TRIT1: variants seen among roughly 807,000 people sequenced by gnomAD.
The protein encoded by TRIT1 is tRNA dimethylallyltransferase.
A neutral mutation model predicts 51.2 loss-of-function variants in TRIT1; 43 were observed. The observed-to-expected ratio is 0.84, with a 90% CI of 0.66 to 1.08. TRIT1 has a LOEUF of 1.08. Ranked by LOEUF, TRIT1 falls within the 50% of genes least tolerant of loss-of-function variation. The pLI is 0.00. For missense variants in TRIT1, 528 were observed against 578.4 expected, an observed-to-expected ratio of 0.91 and a Z score of 0.89; for synonymous variants, 184 against 203.9, an observed-to-expected ratio of 0.90 and a Z score of 0.83.
At position 39,838,880 on chromosome 1, in the gene TRIT1, A is replaced by T. The variant is rs1459870592; in HGVS notation, c.*2864T>A. ...CTCTTTGGAACTAAAGAGAGCTAAGAGAGGACAAAAAATTACTGAGAGTTA... is the reference window on the plus strand; with the variant it reads ...CTCTTTGGAACTAAAGAGAGCTAAGTGAGGACAAAAAATTACTGAGAGTTA... On this transcript the variant is annotated 3_prime_UTR_variant, in exon 11 of 11. Transcript: ENST00000316891. 2.1e-5 allele frequency among the ~76,000 whole-genome samples: 3 copies of T among 146,012 alleles called. No homozygotes were observed. Among genetic ancestry groups the T allele is most frequent in the Non-Finnish European group, 4.6e-5 (3 of 64,698 alleles).
chr1:39,841,290 A>G lies in TRIT1; in HGVS notation c.*454T>C, dbSNP rs1641882729. ...TGGCCCTTTCCTGCCATTCACTCAA[A>G]TCTAGAACTCCCAATATGTGGCTCA... On this transcript the variant is annotated 3_prime_UTR_variant, in exon 11 of 11. Coordinates refer to ENST00000316891, the MANE Select transcript of TRIT1 (RefSeq NM_017646.6). 1 of 152,512 alleles carries G rather than the reference A, an allele frequency of 6.6e-6. No individual in the cohort carries two copies. The highest frequency in any genetic ancestry group is 6.5e-5 in the Admixed American group (1 of 15,274). The allele number at this position is 152,512 out of a possible 1,614,324, so 9.4% of individuals were successfully genotyped here.
At chr1:39,844,492 G>A in intron 9 of TRIT1, 39 bp downstream of exon 9, 5 of 1,547,222 alleles carry the variant, frequency 3.2e-6, no homozygotes, top group Non-Finnish European at 4.5e-6. Flanking sequence ...AAAGTGCTCT[G>A]AAAACCAGAA....
At chr1:39,852,044 A>G (rs1307695353) in intron 4 of TRIT1, among the ~76,000 whole-genome samples, 1 of 152,186 alleles carries the variant, frequency 6.6e-6, no homozygotes, top group Non-Finnish European at 1.5e-5. Flanking sequence ...AGGAGGAAAA[A>G]TATCAAATTC....
rs931795492 is a variant in TRIT1, at chr1:39,850,238, G to C, written c.584C>G (p.Thr195Arg). The change falls in exon 5 of 11, where the codon ACA (threonine) becomes AGA (arginine). Residue 195 changes from threonine (T) to arginine (R), a missense_variant. Coordinates refer to ENST00000316891, the MANE Select transcript of TRIT1 (RefSeq NM_017646.6). ...VARSLQVFEE[T>R]GISHSEFLHR... Reference sequence around the variant, plus strand: ...GAGAAATTCACTATGAGAGATTCCTGTTTCTTCAAAAACTTGCAAGCTCCT... The same window carrying C: ...GAGAAATTCACTATGAGAGATTCCTCTTTCTTCAAAAACTTGCAAGCTCCT... 1.2e-6 allele frequency: 2 copies of C among 1,614,128 alleles called. No individual in the cohort carries two copies. Among genetic ancestry groups the C allele is most frequent in the Non-Finnish European group, 1.7e-6 (2 of 1,180,020 alleles).
intron 1 of TRIT1, among the ~76,000 whole-genome samples, chr1:39,879,689 C>A (rs1032926100): frequency 1.9e-4 from 28 of 151,330 alleles, no homozygotes; most frequent in Non-Finnish European, 3.2e-4. Context: ...GCCTGGCCAA[C>A]ATGGTGAAAC....
chr1:39,863,691 C>G, intron 1 of TRIT1, among the ~76,000 whole-genome samples: 1 of 147,366 alleles, frequency 6.8e-6, no homozygotes, highest in Admixed American at 6.8e-5. Flanking sequence ...CTGAACTCTC[C>G]AAATCAACAG....
chr1:39,867,847 G>A (rs1175232513), intron 1 of TRIT1, among the ~76,000 whole-genome samples: 5 of 152,090 alleles, frequency 3.3e-5, no homozygotes, highest in Non-Finnish European at 7.3e-5. Flanking sequence ...TTTGACTCTG[G>A]TATATTTGTT....
intron 1 of TRIT1, 121 bp from the exon 2 acceptor site, chr1:39,857,538 A>G (rs1642972028): frequency 2.8e-6 from 3 of 1,083,512 alleles, no homozygotes; most frequent in Non-Finnish European, 3.9e-6. Context: ...CCAAAGCACC[A>G]GGGTAGATGT....
chr1:39,860,649 G>T (rs1442967395), intron 1 of TRIT1, among the ~76,000 whole-genome samples: 1 of 152,186 alleles, frequency 6.6e-6, no homozygotes, highest in Non-Finnish European at 1.5e-5. Flanking sequence ...AATAGGGAAA[G>T]GAGAGACAAA....
chr1:39,852,005 C>A (rs1244768028), intron 4 of TRIT1, among the ~76,000 whole-genome samples: 2 of 148,402 alleles, frequency 1.3e-5, no homozygotes, highest in African/African-American at 2.5e-5. Context: ...TATATTCTAA[C>A]ATTAAGTTTC....
chr1:39,854,009 GTAA>G lies in TRIT1; in HGVS notation c.372_374del (p.Tyr125del). The G allele has an allele frequency of 6.2e-7, 1 of 1,613,516 alleles. No homozygotes were observed. Among genetic ancestry groups the G allele is most frequent in the South Asian group, 1.1e-5 (1 of 90,944 alleles). ...GAACTTTCCAGAGCAGAGATTCAAT[GTAA>G]TAATTGGTTCCTCCCACAACAATAG... is the stretch of plus-strand genomic sequence containing the variant. On this transcript the variant is annotated inframe_deletion, in exon 3 of 11. Transcript: ENST00000316891.
At chr1:39,882,640 A>G (rs1644300136) in intron 1 of TRIT1, among the ~76,000 whole-genome samples, 1 of 152,238 alleles carries the variant, frequency 6.6e-6, no homozygotes, top group African/African-American at 2.4e-5. Flanking sequence ...AGCATTTACC[A>G]CAAGTCTGGC....
intron 1 of TRIT1, among the ~76,000 whole-genome samples, chr1:39,874,585 C>A (rs1346188617): frequency 6.6e-6 from 1 of 152,026 alleles, no homozygotes; most frequent in East Asian, 1.9e-4. Flanking sequence ...AATCATTACT[C>A]CAGGATGCTA....
At chr1:39,852,692 T>A in intron 4 of TRIT1, 39 bp downstream of exon 4, 1 of 1,602,262 alleles carries the variant, frequency 6.2e-7, no homozygotes, top group South Asian at 1.1e-5. Context: ...GCTCTCTAGT[T>A]GTAAAGGAAT....
chr1:39,866,495 G>A (rs755601763), intron 1 of TRIT1, among the ~76,000 whole-genome samples: 1 of 152,186 alleles, frequency 6.6e-6, no homozygotes, highest in Non-Finnish European at 1.5e-5. Flanking sequence ...AAGAGTACGG[G>A]AAAGGCTGAT....
chr1:39,840,491 A>G lies in TRIT1; in HGVS notation c.*1253T>C, dbSNP rs956977705. Among the ~76,000 whole-genome samples the G allele has an allele frequency of 6.6e-6, 1 of 152,094 alleles. No individual in the cohort carries two copies. The highest frequency in any genetic ancestry group is 1.5e-5 in the Non-Finnish European group (1 of 68,026). Reference sequence around the variant, plus strand: ...TTCTACACAGCTCTTACGGCCTTTGATACTGTCTTGCCTGGATTGGTGTTT... The same window carrying G: ...TTCTACACAGCTCTTACGGCCTTTGGTACTGTCTTGCCTGGATTGGTGTTT... On this transcript the variant is annotated 3_prime_UTR_variant, in exon 11 of 11. Coordinates refer to ENST00000316891, the MANE Select transcript of TRIT1 (RefSeq NM_017646.6).
In TRIT1 at chr1:39,848,038, C is replaced by A; in HGVS notation, c.763G>T (p.Glu255Ter). The A allele has an allele frequency of 6.2e-7, 1 of 1,614,088 alleles. No homozygotes were observed. The highest frequency in any genetic ancestry group is 8.5e-7 in the Non-Finnish European group (1 of 1,180,018). Residue 255 changes from glutamate (E) to a stop codon, truncating the protein, a stop_gained, in exon 6 of 11, where the codon GAA becomes TAA. Coordinates refer to ENST00000316891, the MANE Select transcript of TRIT1 (RefSeq NM_017646.6). LOFTEE classifies it high-confidence loss of function. ...TAGCGTCTGTGAAAATCTCTTAGTT[C>A]CTCCAAGAGCCCAGCAGCAAGCATG... ...DDMLAAGLLE[E>*]LRDFHRRYNQ... is the part of the protein sequence containing the mutation.
intron 1 of TRIT1, among the ~76,000 whole-genome samples, chr1:39,872,981 G>A (rs141165086): frequency 6.6e-6 from 1 of 152,198 alleles, no homozygotes; most frequent in Non-Finnish European, 1.5e-5. Context: ...TGCATAGCCT[G>A]AGGGTATCTC....
At chr1:39,879,967 G>A (rs1644199233) in intron 1 of TRIT1, among the ~76,000 whole-genome samples, 1 of 150,226 alleles carries the variant, frequency 6.7e-6, no homozygotes, top group Non-Finnish European at 1.5e-5. Context: ...ACGAGGTCAA[G>A]AGATCAAGAC....
Sources: allele counts gnomAD v4.1 joint callset (sites outside exome capture counted in the v4.1 genomes callset), GRCh38; gene constraint gnomAD v4.1.1; transcripts MANE v1.5; gene names NCBI Gene and HGNC (gene_info 2026-07-23, HGNC 2026-07-21).